Variants in METTL2B observed in about 807,000 individuals in gnomAD.
METTL2B encodes the protein tRNA N(3)-cytidine methyltransferase METTL2B.
A neutral mutation model predicts 51.0 loss-of-function variants in METTL2B; 28 were observed. The ratio of observed to expected loss-of-function variants is 0.55; its 90% CI spans 0.41 to 0.75. The LOEUF (loss-of-function observed/expected upper bound fraction) is 0.75. METTL2B is among the 30% of genes least tolerant of loss of function. The probability of loss-of-function intolerance (pLI) is 0.00; values close to 1 mark genes in which losing one functional copy is unlikely to be tolerated. For synonymous variants in METTL2B, 128 were observed against 166.3 expected, an observed-to-expected ratio of 0.77 and a Z score of 1.77; for missense variants, 313 against 460.7, an observed-to-expected ratio of 0.68 and a Z score of 2.93.
chr7:128,506,324 A>G lies in METTL2B; in HGVS notation c.*4408A>G, dbSNP rs747230835. On this transcript the variant is annotated 3_prime_UTR_variant, in exon 9 of 9. Transcript: ENST00000262432. ...AGCATCCCTAAAGCATTGCAAAACT[A>G]TAGGCACAGTTTTTATTTTATCTTT... 4 of 152,204 alleles carry G rather than the reference A, an allele frequency of 2.6e-5. No individual in the cohort carries two copies. Among genetic ancestry groups the G allele is most frequent in the Non-Finnish European group, 5.9e-5 (4 of 68,034 alleles). The allele number at this position is 152,204 out of a possible 1,614,324, so 9.4% of individuals were successfully genotyped here. A position where few individuals can be genotyped will look rare whatever the true frequency, so the allele number is the denominator to read the frequency against.
intron 4 of METTL2B, among the ~76,000 whole-genome samples, chr7:128,486,885 A>G (rs1407370918): frequency 4.6e-5 from 7 of 152,254 alleles, no homozygotes; most frequent in African/African-American, 1.7e-4. Context: ...TTTAGAAAGC[A>G]GAAGCTGAGT....
At chr7:128,484,217 C>CTTTTTTTGTTTTGTTTTGT (rs1792641755) in intron 4 of METTL2B, 1 of 42,414 alleles carries the variant, frequency 2.4e-5, no homozygotes, top group African/African-American at 1.0e-4. Flanking sequence ...TGCCTAGATC[C>CTTTTTTTGTTTTGTTTTGT]TTTTTTTTTT....
intron 2 of METTL2B, among the ~76,000 whole-genome samples, chr7:128,478,617 C>A (rs1467294015): frequency 6.8e-6 from 1 of 146,000 alleles, no homozygotes; most frequent in Non-Finnish European, 1.5e-5. Context: ...GTAATCCCAG[C>A]ACTTTGAGAG....
At chr7:128,486,099 G>T (rs1792701471) in intron 4 of METTL2B, among the ~76,000 whole-genome samples, 1 of 151,962 alleles carries the variant, frequency 6.6e-6, no homozygotes, top group African/African-American at 2.4e-5. Flanking sequence ...TTCGAGCCCA[G>T]CCTGGCCAAC....
intron 4 of METTL2B, among the ~76,000 whole-genome samples, chr7:128,484,527 A>G (rs1313606868): frequency 1.3e-5 from 2 of 151,980 alleles, no homozygotes; most frequent in South Asian, 2.1e-4. Flanking sequence ...CTTTTTATAT[A>G]TAACAGCTTT....
At chr7:128,494,670 C>T (rs201220863) in intron 6 of METTL2B, among the ~76,000 whole-genome samples, 19 of 152,194 alleles carry the variant, frequency 1.2e-4, no homozygotes, top group East Asian at 5.8e-4. Context: ...CCCTGTTGCC[C>T]GGGCTGGAAT....
chr7:128,500,077 C>T (rs1271128581), intron 7 of METTL2B, among the ~76,000 whole-genome samples: 1 of 151,916 alleles, frequency 6.6e-6, no homozygotes, highest in Non-Finnish European at 1.5e-5. Flanking sequence ...CCAGTATCTG[C>T]AGGGAAATAA....
At position 128,494,638 on chromosome 7, in the gene METTL2B, T is replaced by G. The variant is rs369340428; in HGVS notation, c.809+695T>G. On this transcript the variant is annotated intron_variant, in intron 6 of 8. Transcript: ENST00000262432. ...TTATTGGCCTTTCATTTTATTTTAT[T>G]TTTTTTTGAGACAGAGTCTCGCCCT... Among the ~76,000 whole-genome samples, 6 of 152,086 alleles carry G rather than the reference T, an allele frequency of 3.9e-5. No homozygotes were observed. The East Asian group carries it at 9.6e-4, about 24-fold the overall frequency.
Position 128,498,031 on chromosome 7 carries a change from C to T in METTL2B, c.810-5C>T. The stretch of plus-strand genomic sequence containing the variant: ...GATTAACTATAATTCCCTGTGTCTC[C>T]ACAGGATGCAGAAGGCTATCAACAG... On this transcript the variant is annotated splice_polypyrimidine_tract_variant and splice_region_variant and intron_variant, in intron 6 of 8. Coordinates refer to ENST00000262432, the MANE Select transcript of METTL2B (RefSeq NM_018396.3). 6.2e-7 allele frequency: 1 copy of T among 1,613,450 alleles called. No homozygotes were observed. Among genetic ancestry groups the T allele is most frequent in the South Asian group, 1.1e-5 (1 of 91,060 alleles).
chr7:128,479,120 A>T, intron 2 of METTL2B, 38 bp from the exon 3 acceptor site: 1 of 1,547,750 alleles, frequency 6.5e-7, no homozygotes, highest in Non-Finnish European at 8.8e-7. Flanking sequence ...AAAATATTTG[A>T]GAGCTGGTTC....
At position 128,505,097 on chromosome 7, in the gene METTL2B, C is replaced by CAA. The variant is rs60476282; in HGVS notation, c.*3201_*3202dup. On this transcript the variant is annotated 3_prime_UTR_variant, in exon 9 of 9. Coordinates refer to ENST00000262432, the MANE Select transcript of METTL2B (RefSeq NM_018396.3). ...GGGCAACAAGAGTGAAACTCCGTCT[C>CAA]AAAAAAAAAAAAAAAAAAAAATTAG... 24,199 of 58,632 alleles carry CAA rather than the reference C, an allele frequency of 0.41. 5,046 individuals carry two copies. Among genetic ancestry groups the CAA allele is most frequent in the Non-Finnish European group, 0.5 (16,135 of 32,504 alleles). The allele number at this position is 58,632 out of a possible 1,614,324, so 3.6% of individuals were successfully genotyped here.
At position 128,501,261 on chromosome 7, in the gene METTL2B, C is replaced by T. The variant is rs976072685; in HGVS notation, c.982+293C>T. Reference sequence around the variant, plus strand: ...TCTGCAAGGCTCACCTCCAGTCCAGCCTGTCTCACCCTCTACACGGGGTTG... The same window carrying T: ...TCTGCAAGGCTCACCTCCAGTCCAGTCTGTCTCACCCTCTACACGGGGTTG... On this transcript the variant is annotated intron_variant, in intron 8 of 8. Transcript: ENST00000262432. The T allele has an allele frequency of 8.1e-6, 8 of 985,322 alleles. No individual in the cohort carries two copies. The African/African-American group carries it at 1.4e-4, about 17-fold the overall frequency. 61.0% of individuals were successfully genotyped at this position (985,322 alleles called of 1,614,324 possible). A position where few individuals can be genotyped will look rare whatever the true frequency, so the allele number is the denominator to read the frequency against.
intron 2 of METTL2B, 151 bp from the exon 3 acceptor site, chr7:128,479,007 C>T (rs1799839687): frequency 4.9e-6 from 4 of 812,626 alleles, no homozygotes; most frequent in East Asian, 2.7e-5. Flanking sequence ...GACTAAATGA[C>T]CTCAGAAATG....
intron 3 of METTL2B, among the ~76,000 whole-genome samples, chr7:128,480,007 A>G (rs998749660): frequency 1.3e-5 from 2 of 152,174 alleles, no homozygotes; most frequent in Non-Finnish European, 2.9e-5. Flanking sequence ...CTAGATTGGT[A>G]TAATGTAAAT....
intron 7 of METTL2B, among the ~76,000 whole-genome samples, chr7:128,498,401 G>A (rs1259747924): frequency 6.6e-6 from 1 of 151,820 alleles, no homozygotes; most frequent in Admixed American, 6.6e-5. Context: ...TAGATGACGG[G>A]TAGATAGGTG....
At chr7:128,499,088 G>A (rs1269770761) in intron 7 of METTL2B, among the ~76,000 whole-genome samples, 9 of 151,948 alleles carry the variant, frequency 5.9e-5, no homozygotes, top group African/African-American at 1.2e-4. Context: ...GGCAAATGAC[G>A]GAGTAAGAAG....
intron 4 of METTL2B, among the ~76,000 whole-genome samples, chr7:128,481,778 G>A (rs1799875828): frequency 6.6e-6 from 1 of 152,142 alleles, no homozygotes; most frequent in South Asian, 2.1e-4. Flanking sequence ...AAGTAGCTGG[G>A]ACTACAGACA....
intron 5 of METTL2B, among the ~76,000 whole-genome samples, chr7:128,492,500 T>C (rs1792852082): frequency 6.6e-6 from 1 of 152,120 alleles, no homozygotes; most frequent in Non-Finnish European, 1.5e-5. Context: ...CTAGCTGGTC[T>C]CAAACTCCTG....
chr7:128,498,210 G>A (rs1298826201), intron 7 of METTL2B, 68 bp downstream of exon 7: 3 of 1,532,850 alleles, frequency 2.0e-6, no homozygotes, highest in East Asian at 2.4e-5. Context: ...GATGAAGCTG[G>A]AAATCATCAT....
Sources: gnomAD v4.1 joint callset for allele counts (sites outside exome capture counted in the v4.1 genomes callset) on GRCh38, gnomAD v4.1.1 for gene constraint, MANE v1.5 for transcripts, NCBI Gene and HGNC (gene_info 2026-07-23, HGNC 2026-07-21) for gene names.